Variants in GRIN2A observed in about 807,000 individuals in gnomAD.
GRIN2A encodes the protein glutamate receptor ionotropic, NMDA 2A.
GRIN2A carries 22 observed loss-of-function variants against 113.4 expected under a neutral mutation model. The ratio of observed to expected loss-of-function variants is 0.19; its 90% CI spans 0.14 to 0.28. The LOEUF (loss-of-function observed/expected upper bound fraction) is 0.28, where lower values mean the gene tolerates loss of function less well. Among genes scored for constraint, GRIN2A ranks in the 10% least tolerant of loss-of-function variants. GRIN2A has a pLI of 1.00. For synonymous variants in GRIN2A, 827 were observed against 738.4 expected, an observed-to-expected ratio of 1.12 and a Z score of -1.94; for missense variants, 1,502 against 1,887.0, an observed-to-expected ratio of 0.80 and a Z score of 3.78.
chr16:9,999,044 C>T (rs1354182546), intron 2 of GRIN2A, among the ~76,000 whole-genome samples: 2 of 152,118 alleles, frequency 1.3e-5, no homozygotes, highest in East Asian at 3.9e-4. Context: ...TTAGAGGTTC[C>T]AACAACTCAC....
chr16:9,769,848 TTCTC>T, intron 11 of GRIN2A, among the ~76,000 whole-genome samples: 1 of 152,296 alleles, frequency 6.6e-6, no homozygotes, highest in South Asian at 2.1e-4. Flanking sequence ...GTGTTTCTTT[TTCTC>T]TCTCTCTTTA....
rs1411093929 is a variant in GRIN2A at position 9,761,810 on chromosome 16, T to G, written c.*1339A>C. 2.0e-5 allele frequency: 4 copies of G among 204,606 alleles called. No individual in the cohort carries two copies. Among genetic ancestry groups the G allele is most frequent in the African/African-American group, 2.3e-5 (1 of 43,732 alleles). The allele number at this position is 204,606 out of a possible 1,614,324, so 12.7% of individuals were successfully genotyped here. A position where few individuals can be genotyped will look rare whatever the true frequency, so the allele number is the denominator to read the frequency against. On this transcript the variant is annotated 3_prime_UTR_variant, in exon 13 of 13. Coordinates refer to ENST00000330684, the MANE Select transcript of GRIN2A (RefSeq NM_001134407.3). ...CAGGCGACTCAGAAATGACAAATAC[T>G]TTGAGGAATTTTTCCTACATCTCTG...
At chr16:10,137,961 G>C (rs1325318456) in intron 2 of GRIN2A, among the ~76,000 whole-genome samples, 1 of 152,106 alleles carries the variant, frequency 6.6e-6, no homozygotes, top group Non-Finnish European at 1.5e-5. Context: ...GTACAGTCTG[G>C]GATGACAGAA....
chr16:10,062,063 C>A lies in GRIN2A; in HGVS notation c.414+117935G>T, dbSNP rs534889103. ...GGATCAGATAGGGTAATGGCCGGAC[C>A]AAAGTCACATAAAAAATGAATGGCT... On this transcript the variant is annotated intron_variant, in intron 2 of 12. Coordinates refer to ENST00000330684, the MANE Select transcript of GRIN2A (RefSeq NM_001134407.3). 3.2e-4 allele frequency among the ~76,000 whole-genome samples: 49 copies of A among 152,230 alleles called. No homozygotes were observed. The South Asian group carries it at 4.4e-3, about 14-fold the overall frequency.
At chr16:10,144,750 G>T (rs991018312) in intron 2 of GRIN2A, among the ~76,000 whole-genome samples, 2 of 151,796 alleles carry the variant, frequency 1.3e-5, no homozygotes, top group African/African-American at 2.4e-5. Flanking sequence ...GTGAAACCTG[G>T]TCTCTACTAA....
chr16:9,852,744 A>G (rs2042906409), intron 4 of GRIN2A, among the ~76,000 whole-genome samples: 1 of 152,164 alleles, frequency 6.6e-6, no homozygotes, highest in African/African-American at 2.4e-5. Flanking sequence ...AATCGTATAT[A>G]CCAGATAAAG....
At position 9,849,839 on chromosome 16, in the gene GRIN2A, T is replaced by A. The variant is rs375920773; in HGVS notation, c.1245A>T (p.Pro415=). The A allele has an allele frequency of 4.3e-6, 7 of 1,613,868 alleles. No individual in the cohort carries two copies. In the African/African-American group the frequency reaches 8.0e-5, roughly 18 times the overall value. The part of the protein sequence containing the change: ...HLSIVTLEEA[P]FVIVEDIDPL... ...GGTCTATGTCTTCCACGATGACGAA[T>A]GGGGCCTCCTCCAGGGTGACGATGC... The change falls in exon 5 of 13, where the codon CCA becomes CCT. Residue 415 remains proline, a synonymous_variant. Coordinates refer to ENST00000330684, the MANE Select transcript of GRIN2A (RefSeq NM_001134407.3).
intron 4 of GRIN2A, among the ~76,000 whole-genome samples, chr16:9,873,281 C>T (rs1221608985): frequency 6.6e-6 from 1 of 152,114 alleles, no homozygotes; most frequent in Admixed American, 6.6e-5. Flanking sequence ...TCAAAAAGCC[C>T]TGACATCACC....
chr16:10,176,616 G>A (rs747919528), intron 2 of GRIN2A, among the ~76,000 whole-genome samples: 30 of 148,132 alleles, frequency 2.0e-4, no homozygotes, highest in Middle Eastern at 3.5e-3. Flanking sequence ...ACCAAACACC[G>A]CATGTTCTCA....
chr16:9,915,735 TG>T (rs901064864), intron 3 of GRIN2A, among the ~76,000 whole-genome samples: 5 of 152,240 alleles, frequency 3.3e-5, no homozygotes, highest in Non-Finnish European at 5.9e-5. Flanking sequence ...TTTGGGTTTG[TG>T]AACTGTCTCT....
At chr16:9,834,888 T>C (rs1269776715) in intron 7 of GRIN2A, among the ~76,000 whole-genome samples, 2 of 152,132 alleles carry the variant, frequency 1.3e-5, no homozygotes, top group Non-Finnish European at 2.9e-5. Flanking sequence ...CCTTTGTAAT[T>C]ATAGAACCAT....
At chr16:10,099,868 C>T (rs919053447) in intron 2 of GRIN2A, among the ~76,000 whole-genome samples, 3 of 152,122 alleles carry the variant, frequency 2.0e-5, no homozygotes, top group African/African-American at 2.4e-5. Context: ...CCTGAGGTGC[C>T]GAGTGCTGGG....
intron 2 of GRIN2A, among the ~76,000 whole-genome samples, chr16:9,952,732 CAG>C (rs2045212956): frequency 6.6e-6 from 1 of 151,964 alleles, no homozygotes; most frequent in Non-Finnish European, 1.5e-5. Flanking sequence ...GTACACGTGA[CAG>C]AGCCTGCCAC....
At chr16:10,067,941 G>T (rs763907449) in intron 2 of GRIN2A, among the ~76,000 whole-genome samples, 1 of 152,244 alleles carries the variant, frequency 6.6e-6, no homozygotes, top group Non-Finnish European at 1.5e-5. Context: ...CTAAGATGAA[G>T]CAGAGTACAG....
At chr16:10,003,918 G>A (rs74976121) in intron 2 of GRIN2A, among the ~76,000 whole-genome samples, 1 of 152,080 alleles carries the variant, frequency 6.6e-6, no homozygotes, top group East Asian at 1.9e-4. Flanking sequence ...TCACACGTCC[G>A]CATTGCCTCA....
At chr16:9,915,712 T>G (rs2044235966) in intron 3 of GRIN2A, among the ~76,000 whole-genome samples, 1 of 152,240 alleles carries the variant, frequency 6.6e-6, no homozygotes, top group Non-Finnish European at 1.5e-5. Flanking sequence ...GCACTGACTC[T>G]GGAGTTAAAT....
chr16:10,017,349 T>G (rs706000), intron 2 of GRIN2A, among the ~76,000 whole-genome samples: 104,339 of 151,620 alleles, frequency 0.69, 36,375 homozygotes, highest in Middle Eastern at 0.8. Context: ...TGAGTCTTGG[T>G]GGGGCGGCAG....
At chr16:10,165,847 G>C (rs980402781) in intron 2 of GRIN2A, among the ~76,000 whole-genome samples, 1 of 151,908 alleles carries the variant, frequency 6.6e-6, no homozygotes, top group Non-Finnish European at 1.5e-5. Flanking sequence ...GGAAAAACTA[G>C]TATCAATTAA....
rs193017663 is a variant in GRIN2A, at chr16:10,039,221, C to A, written c.415-100670G>T. Among the ~76,000 whole-genome samples the A allele has an allele frequency of 5.2e-3, 788 of 152,114 alleles. 11 individuals carry two copies. Among genetic ancestry groups the A allele is most frequent in the African/African-American group, 0.018 (756 of 41,498 alleles). ...GGCAGAGGGGGGACCCACTCTTGTT[C>A]CTTGGTGCCAGGGTTTAAAGAGGTT... On this transcript the variant is annotated intron_variant, in intron 2 of 12. Transcript: ENST00000330684.
Sources: gnomAD v4.1 joint callset for allele counts (sites outside exome capture counted in the v4.1 genomes callset) on GRCh38, gnomAD v4.1.1 for gene constraint, MANE v1.5 for transcripts, NCBI Gene and HGNC (gene_info 2026-07-23, HGNC 2026-07-21) for gene names.